BBOX1: variants seen among roughly 807,000 people sequenced by gnomAD.
BBOX1 encodes gamma-butyrobetaine hydroxylase 1, also known as gamma-butyrobetaine dioxygenase.
BBOX1 carries 35 observed loss-of-function variants against 41.6 expected under a neutral mutation model. The observed-to-expected ratio is 0.84, with a 90% CI of 0.64 to 1.11. The LOEUF is 1.11. Among genes scored for constraint, BBOX1 ranks in the 50% most tolerant of loss-of-function variants. The probability of loss-of-function intolerance (pLI) is 0.00; values close to 1 mark genes in which losing one functional copy is unlikely to be tolerated. For synonymous variants in BBOX1, 163 were observed against 154.7 expected (o/e 1.05, Z -0.40); for missense variants, 458 against 460.6 (o/e 0.99, Z 0.05).
chr11:27,090,621 G>C (rs1858210273), intron 4 of BBOX1, among the ~76,000 whole-genome samples: 1 of 151,842 alleles, frequency 6.6e-6, no homozygotes, highest in Non-Finnish European at 1.5e-5. Flanking sequence ...CGTATTGTCT[G>C]GATAAACATC....
At chr11:27,112,221 T>C (rs1446816724) in intron 5 of BBOX1, among the ~76,000 whole-genome samples, 2 of 151,958 alleles carry the variant, frequency 1.3e-5, no homozygotes, top group Non-Finnish European at 2.9e-5. Flanking sequence ...ACTTAAAGCA[T>C]ATAGCAGTTG....
intron 8 of BBOX1, among the ~76,000 whole-genome samples, 198 bp downstream of exon 8, chr11:27,126,018 TAAAC>T (rs1024507619): frequency 6.6e-6 from 1 of 152,160 alleles, no homozygotes; most frequent in African/African-American, 2.4e-5. Flanking sequence ...TTTATCCTGA[TAAAC>T]AAATAGAAAT....
At chr11:27,084,267 C>T (rs866540954) in intron 4 of BBOX1, among the ~76,000 whole-genome samples, 2 of 152,142 alleles carry the variant, frequency 1.3e-5, no homozygotes, top group South Asian at 2.1e-4. Flanking sequence ...CATTACAACA[C>T]GTTCCAGAGG....
intron 4 of BBOX1, among the ~76,000 whole-genome samples, chr11:27,089,394 T>C (rs1021525706): frequency 1.3e-3 from 192 of 152,084 alleles, no homozygotes; most frequent in African/African-American, 4.4e-3. Context: ...TAGGAAACAA[T>C]ACATTTTTCT....
At chr11:27,119,866 TC>T in intron 7 of BBOX1, 21 bp downstream of exon 7, 1 of 1,296,358 alleles carries the variant, frequency 7.7e-7, no homozygotes. Flanking sequence ...TTTATAAATT[TC>T]CCATAGCAAT....
chr11:27,083,685 C>T (rs1444009886), intron 4 of BBOX1, among the ~76,000 whole-genome samples: 1 of 152,104 alleles, frequency 6.6e-6, no homozygotes, highest in East Asian at 1.9e-4. Context: ...TAGCACTTGC[C>T]AAAATTTTTA....
chr11:27,047,854 T>C (rs1323999070), intron 2 of BBOX1, among the ~76,000 whole-genome samples: 1 of 152,086 alleles, frequency 6.6e-6, no homozygotes, highest in Admixed American at 6.6e-5. Context: ...TCAATAAATG[T>C]AAACTATTAT....
intron 4 of BBOX1, among the ~76,000 whole-genome samples, chr11:27,073,039 G>T (rs1857508217): frequency 1.3e-5 from 2 of 152,078 alleles, no homozygotes; most frequent in South Asian, 4.2e-4. Context: ...AAAAGCAATG[G>T]CAACAAAAGC....
At chr11:27,072,307 A>G (rs1230173525) in intron 4 of BBOX1, among the ~76,000 whole-genome samples, 1 of 152,160 alleles carries the variant, frequency 6.6e-6, no homozygotes, top group African/African-American at 2.4e-5. Flanking sequence ...ATCATGAGTG[A>G]ACTCCCATTC....
At chr11:27,064,642 A>C (rs1857227507) in intron 4 of BBOX1, among the ~76,000 whole-genome samples, 1 of 152,308 alleles carries the variant, frequency 6.6e-6, no homozygotes, top group South Asian at 2.1e-4. Context: ...AATAGACATG[A>C]GGCCAGCCAT....
chr11:27,060,065 G>T (rs1208824126), intron 4 of BBOX1, among the ~76,000 whole-genome samples: 1 of 152,096 alleles, frequency 6.6e-6, no homozygotes, highest in African/African-American at 2.4e-5. Context: ...GGGGCGAGGA[G>T]CAAAATGATA....
intron 2 of BBOX1, among the ~76,000 whole-genome samples, chr11:27,051,226 C>T (rs1007891623): frequency 6.6e-6 from 1 of 151,964 alleles, no homozygotes; most frequent in African/African-American, 2.4e-5. Context: ...CTATTGAATT[C>T]ATTTTGCTAG....
At chr11:27,090,474 G>A (rs536749216) in intron 4 of BBOX1, among the ~76,000 whole-genome samples, 27 of 151,890 alleles carry the variant, frequency 1.8e-4, no homozygotes, top group Non-Finnish European at 2.9e-4. Context: ...CTACTAGTAA[G>A]GGTCTAACAA....
chr11:27,077,268 C>T (rs948105531), intron 4 of BBOX1, among the ~76,000 whole-genome samples: 27 of 152,028 alleles, frequency 1.8e-4, no homozygotes, highest in African/African-American at 5.8e-4. Flanking sequence ...AAAGTCTTCC[C>T]ACTGCTGCTC....
chr11:27,086,901 G>A (rs1390269734), intron 4 of BBOX1, among the ~76,000 whole-genome samples: 2 of 152,074 alleles, frequency 1.3e-5, no homozygotes, highest in African/African-American at 4.8e-5. Flanking sequence ...GCTTTGAGGG[G>A]TTCAAGACTT....
chr11:27,081,948 G>A (rs984294103), intron 4 of BBOX1, among the ~76,000 whole-genome samples: 2 of 151,996 alleles, frequency 1.3e-5, no homozygotes, highest in Non-Finnish European at 2.9e-5. Context: ...TGTAGATTCT[G>A]GATATTAGCC....
chr11:27,043,187 C>T (rs1203230631), intron 2 of BBOX1, among the ~76,000 whole-genome samples: 3 of 152,092 alleles, frequency 2.0e-5, no homozygotes, highest in African/African-American at 7.2e-5. Flanking sequence ...CCTCAGCCTC[C>T]TGAGTAGCTG....
At chr11:27,103,431 T>C (rs1858740376) in intron 5 of BBOX1, among the ~76,000 whole-genome samples, 1 of 152,126 alleles carries the variant, frequency 6.6e-6, no homozygotes, top group East Asian at 1.9e-4. Context: ...CTGTTAAGTA[T>C]ATCTTAAGTC....
chr11:27,097,261 G>T (rs376325093), intron 5 of BBOX1, among the ~76,000 whole-genome samples: 3 of 151,952 alleles, frequency 2.0e-5, no homozygotes, highest in Non-Finnish European at 4.4e-5. Flanking sequence ...ATTTTCTGGA[G>T]CCCTTTTAGG....
Sources: allele counts gnomAD v4.1 joint callset (sites outside exome capture counted in the v4.1 genomes callset), GRCh38; gene constraint gnomAD v4.1.1; transcripts MANE v1.5; gene names NCBI Gene and HGNC (gene_info 2026-07-23, HGNC 2026-07-21).